EPAS1: variants seen among roughly 807,000 people sequenced by gnomAD.
EPAS1 encodes endothelial PAS domain protein 1.
EPAS1 carries 23 observed loss-of-function variants against 87.9 expected under a neutral mutation model. The observed-to-expected ratio is 0.26, with a 90% CI of 0.19 to 0.37. The LOEUF (loss-of-function observed/expected upper bound fraction) is 0.37, where lower values mean the gene tolerates loss of function less well. EPAS1 is among the 10% of genes least tolerant of loss of function. The probability of loss-of-function intolerance (pLI) is 1.00; values close to 1 mark genes in which losing one functional copy is unlikely to be tolerated. For synonymous variants in EPAS1, 508 were observed against 444.3 expected (o/e 1.14, Z -1.80); for missense variants, 1,138 against 1,120.7 (o/e 1.02, Z -0.22).
At chr2:46,320,157 G>C (rs180754155) in intron 1 of EPAS1, among the ~76,000 whole-genome samples, 176 of 152,206 alleles carry the variant, frequency 1.2e-3, no homozygotes, top group Non-Finnish European at 2.1e-3. Context: ...CTCTATTCCC[G>C]AGGAATGAGG....
rs1279449409 is a variant in EPAS1, at chr2:46,360,183, G to A, written c.455-455G>A. On this transcript the variant is annotated intron_variant, in intron 4 of 15. Transcript: ENST00000263734. This position sits in a 1 kb window ranked among gnomAD's most constrained non-coding sequence, Gnocchi z 4.5. ...GAGAGACAGGTTATAAAGGAAAGAC[G>A]GGAGTGTCGGAGAGACATTTCTAAC... Among the ~76,000 whole-genome samples the A allele has an allele frequency of 1.3e-5, 2 of 152,202 alleles. No homozygotes were observed. Among genetic ancestry groups the A allele is most frequent in the Non-Finnish European group, 2.9e-5 (2 of 68,030 alleles).
At chr2:46,368,270 T>C (rs1442125792) in intron 6 of EPAS1, among the ~76,000 whole-genome samples, 2 of 152,144 alleles carry the variant, frequency 1.3e-5, no homozygotes, top group African/African-American at 2.4e-5. Context: ...CTTTAGCTGG[T>C]CCTGGAGGTG....
chr2:46,336,184 G>A (rs532672346), intron 1 of EPAS1, among the ~76,000 whole-genome samples: 20 of 152,302 alleles, frequency 1.3e-4, no homozygotes, highest in African/African-American at 4.8e-4. Flanking sequence ...AAAGAGCAAA[G>A]GGCATTTTTG....
At chr2:46,343,572 A>G (rs1371590789) in intron 1 of EPAS1, among the ~76,000 whole-genome samples, 1 of 152,250 alleles carries the variant, frequency 6.6e-6, no homozygotes, top group Non-Finnish European at 1.5e-5. Flanking sequence ...TCTATCTCTC[A>G]GGGTTGTGAG....
At chr2:46,298,459 C>A (rs114114460) in intron 1 of EPAS1, among the ~76,000 whole-genome samples, 1 of 152,182 alleles carries the variant, frequency 6.6e-6, no homozygotes, top group African/African-American at 2.4e-5. Context: ...ACGATCCTAC[C>A]GAGGAGCCAG....
chr2:46,345,275 T>C (rs1322775277), intron 1 of EPAS1, among the ~76,000 whole-genome samples: 1 of 152,106 alleles, frequency 6.6e-6, no homozygotes, highest in Non-Finnish European at 1.5e-5. Context: ...TAGATGCTTT[T>C]TAAAAAAATA....
chr2:46,320,354 GGGAATTGTTGAACA>G (rs1469390882), intron 1 of EPAS1, among the ~76,000 whole-genome samples: 1 of 152,186 alleles, frequency 6.6e-6, no homozygotes, highest in African/African-American at 2.4e-5. Flanking sequence ...AATTGGTCCT[GGGAATTGTTGAACA>G]GGACTTTGTT....
At chr2:46,356,095 C>A in intron 2 of EPAS1, 56 bp from the exon 3 acceptor site, 2 of 1,549,148 alleles carry the variant, frequency 1.3e-6, no homozygotes, top group South Asian at 1.1e-5. Flanking sequence ...CTGTGCCAGT[C>A]CCATCTGTTT....
In EPAS1 at chr2:46,360,133, G is replaced by C. The variant is rs1684357718; in HGVS notation, c.455-505G>C. Among the ~76,000 whole-genome samples, 1 of 152,232 alleles carries C rather than the reference G, an allele frequency of 6.6e-6. No homozygotes were observed. The highest frequency in any genetic ancestry group is 1.5e-5 in the Non-Finnish European group (1 of 68,038). On this transcript the variant is annotated intron_variant, in intron 4 of 15. Transcript: ENST00000263734. This position sits in a 1 kb window ranked among gnomAD's most constrained non-coding sequence, Gnocchi z 4.5. ...ACAGCTATTGCAGTTTGCAAATGGG[G>C]TACAGGAGGGGTTAAATTCCTCCTG...
intron 1 of EPAS1, among the ~76,000 whole-genome samples, chr2:46,340,728 T>G (rs1683895305): frequency 1.3e-5 from 2 of 152,336 alleles, no homozygotes; most frequent in Middle Eastern, 3.4e-3. Flanking sequence ...AATTTGTAAC[T>G]TTTTGTTGTT....
intron 1 of EPAS1, among the ~76,000 whole-genome samples, chr2:46,342,724 G>A (rs1003519773): frequency 7.9e-5 from 12 of 152,282 alleles, no homozygotes; most frequent in East Asian, 3.9e-4. Flanking sequence ...CCTAAGTAGC[G>A]ATCCCTAAGC....
At chr2:46,357,312 G>A (rs530749864) in intron 4 of EPAS1, among the ~76,000 whole-genome samples, 2 of 152,294 alleles carry the variant, frequency 1.3e-5, no homozygotes, top group East Asian at 3.9e-4. Flanking sequence ...AGACTAGGCT[G>A]GGGTGATCAG....
At chr2:46,311,823 C>T (rs1362822894) in intron 1 of EPAS1, among the ~76,000 whole-genome samples, 10 of 152,112 alleles carry the variant, frequency 6.6e-5, no homozygotes, top group East Asian at 1.9e-4. Flanking sequence ...TCACTGTGGC[C>T]GCCAGCCAGC....
intron 1 of EPAS1, among the ~76,000 whole-genome samples, chr2:46,306,642 T>A (rs1480187808): frequency 1.3e-5 from 2 of 152,214 alleles, no homozygotes; most frequent in African/African-American, 4.8e-5. Context: ...CACACACAGT[T>A]GCAGGAAAGA....
At chr2:46,351,232 C>A (rs558041101) in intron 2 of EPAS1, among the ~76,000 whole-genome samples, 1 of 152,336 alleles carries the variant, frequency 6.6e-6, no homozygotes, top group Non-Finnish European at 1.5e-5. Flanking sequence ...TTGTTCAGAT[C>A]ATTCCTTTAA....
Position 46,380,658 on chromosome 2 carries a change from G to C in EPAS1, c.1986G>C (p.Leu662Phe). The change falls in exon 12 of 16, where the codon TTG becomes TTC. Residue 662 changes from leucine (L) to phenylalanine (F), a missense_variant. Physicochemically the swap from Leu to Phe is conservative, Grantham distance 22 (BLOSUM62 0). Coordinates refer to ENST00000263734, the MANE Select transcript of EPAS1 (RefSeq NM_001430.5). This position sits in a 1 kb window ranked among gnomAD's most constrained non-coding sequence, Gnocchi z 4.4. ...WAVGDQRTEFLGAAPLGPPVS... is the reference protein window; with the variant it reads ...WAVGDQRTEFFGAAPLGPPVS... ...TCGGGGATCAGCGCACAGAGTTCTTGGGAGCAGCGCCGTTGGGGCCCCCTG... is the reference window on the plus strand; with the variant it reads ...TCGGGGATCAGCGCACAGAGTTCTTCGGAGCAGCGCCGTTGGGGCCCCCTG... The C allele has an allele frequency of 1.9e-6, 3 of 1,614,054 alleles. No individual in the cohort carries two copies. Among genetic ancestry groups the C allele is most frequent in the Non-Finnish European group, 2.5e-6 (3 of 1,180,002 alleles).
At chr2:46,302,734 GAA>G (rs368452487) in intron 1 of EPAS1, among the ~76,000 whole-genome samples, 301 of 119,508 alleles carry the variant, frequency 2.5e-3, no homozygotes, top group African/African-American at 9.0e-3. Flanking sequence ...GTCTGATTAG[GAA>G]AAAAAAAAAA....
rs577872723 is a variant in EPAS1, at chr2:46,345,132, C to T, written c.27-1741C>T. Among the ~76,000 whole-genome samples, 15 of 152,268 alleles carry T rather than the reference C, an allele frequency of 9.9e-5. No homozygotes were observed. In the East Asian group the frequency reaches 2.7e-3, roughly 27 times the overall value. On this transcript the variant is annotated intron_variant, in intron 1 of 15. Coordinates refer to ENST00000263734, the MANE Select transcript of EPAS1 (RefSeq NM_001430.5). ...TGAAACCTATGAACTTCGCTGGATG[C>T]TTTTTTATTTTATCTTATTTATATT... is the stretch of plus-strand genomic sequence containing the variant.
chr2:46,377,187 AG>A (rs1414901058), intron 9 of EPAS1, among the ~76,000 whole-genome samples: 1 of 152,216 alleles, frequency 6.6e-6, no homozygotes, highest in Admixed American at 6.5e-5. Context: ...AATGTTGGGA[AG>A]GATCATTCCA....
Sources: allele counts gnomAD v4.1 joint callset (sites outside exome capture counted in the v4.1 genomes callset), GRCh38; gene constraint gnomAD v4.1.1; non-coding constraint Gnocchi (gnomAD v3.1); transcripts MANE v1.5; gene names NCBI Gene and HGNC (gene_info 2026-07-23, HGNC 2026-07-21).